The following GALNT13 variants were observed in gnomAD, a reference collection of about 807,000 sequenced individuals.
GALNT13 encodes the protein polypeptide N-acetylgalactosaminyltransferase 13.
GALNT13 carries 28 observed loss-of-function variants against 64.2 expected under a neutral mutation model. The observed-to-expected ratio is 0.44, with a 90% CI of 0.32 to 0.60. The LOEUF (loss-of-function observed/expected upper bound fraction) is 0.60, where lower values mean the gene tolerates loss of function less well. Among genes scored for constraint, GALNT13 ranks in the 20% least tolerant of loss-of-function variants. GALNT13 has a pLI of 0.05. For missense variants in GALNT13, 577 were observed against 669.8 expected, an observed-to-expected ratio of 0.86 and a Z score of 1.53; for synonymous variants, 214 against 224.6, an observed-to-expected ratio of 0.95 and a Z score of 0.42.
At chr2:154,126,616 CAG>C (rs1486341592) in intron 3 of GALNT13, among the ~76,000 whole-genome samples, 17 of 138,488 alleles carry the variant, frequency 1.2e-4, no homozygotes, top group African/African-American at 4.4e-4. Context: ...GCCCGGACGA[CAG>C]AGCGAGACTC....
chr2:153,800,045 G>GCTCTCTCTCT, the GALNT13 span, among the ~76,000 whole-genome samples: 5,198 of 118,726 alleles, frequency 0.044, 187 homozygotes, highest in Middle Eastern at 0.069. Flanking sequence ...CATTTAGTTT[G>GCTCTCTCTCT]CTCTCTCTCT....
At chr2:154,004,816 A>C (rs1022437572) in intron 3 of GALNT13, among the ~76,000 whole-genome samples, 2 of 152,216 alleles carry the variant, frequency 1.3e-5, no homozygotes, top group Admixed American at 1.3e-4. Context: ...AAAGAGAATG[A>C]ATCTTTACAC....
intron 3 of GALNT13, among the ~76,000 whole-genome samples, chr2:154,052,333 C>G (rs1457286395): frequency 6.6e-6 from 1 of 152,172 alleles, no homozygotes; most frequent in Non-Finnish European, 1.5e-5. Context: ...TCCATACATT[C>G]TATGTTTTAA....
intron 9 of GALNT13, among the ~76,000 whole-genome samples, chr2:154,360,407 A>G (rs539273412): frequency 2.0e-5 from 3 of 152,294 alleles, no homozygotes; most frequent in Non-Finnish European, 4.4e-5. Context: ...GGAATAGGCC[A>G]TTCTTTGTCC....
rs1685978903 is a variant in GALNT13, at chr2:153,872,015, C to T, written c.-465C>T. 1 of 152,246 alleles carries T rather than the reference C, an allele frequency of 6.6e-6. No individual in the cohort carries two copies. 9.4% of individuals were successfully genotyped at this position (152,246 alleles called of 1,614,324 possible). A position where few individuals can be genotyped will look rare whatever the true frequency, so the allele number is the denominator to read the frequency against. ...TCGGCCTCAGCGTCCGCTCTGGCCG[C>T]GCTCGAGGAGCCCTTCAGCCCGCCG... On this transcript the variant is annotated 5_prime_UTR_variant, in exon 1 of 13. Transcript: ENST00000392825.
At chr2:153,672,394 A>T in the GALNT13 span, among the ~76,000 whole-genome samples, 1 of 152,232 alleles carries the variant, frequency 6.6e-6, no homozygotes, top group Non-Finnish European at 1.5e-5. Flanking sequence ...CAGCATTAAG[A>T]AACTCACTCA....
intron 3 of GALNT13, among the ~76,000 whole-genome samples, chr2:153,976,033 C>T (rs1558884594): frequency 1.3e-5 from 2 of 152,068 alleles, no homozygotes; most frequent in Admixed American, 1.3e-4. Context: ...CTCACCTGAC[C>T]ATTCCAGCTG....
At chr2:153,630,807 A>ATATTT in the GALNT13 span, among the ~76,000 whole-genome samples, 3 of 21,990 alleles carry the variant, frequency 1.4e-4, no homozygotes, top group African/African-American at 1.9e-4. Context: ...ATATATATAT[A>ATATTT]TTTTTTTTTT....
the GALNT13 span, among the ~76,000 whole-genome samples, chr2:153,326,900 A>G: frequency 6.6e-6 from 1 of 152,094 alleles, no homozygotes; most frequent in Non-Finnish European, 1.5e-5. Flanking sequence ...CCTGACAAAC[A>G]TGGTGAAACC....
At chr2:153,352,867 G>A in the GALNT13 span, among the ~76,000 whole-genome samples, 14 of 152,094 alleles carry the variant, frequency 9.2e-5, no homozygotes, top group Non-Finnish European at 7.4e-5. Context: ...TTTGTAGTAC[G>A]TCTTGAAGTT....
At chr2:153,923,056 T>C (rs984804008) in intron 2 of GALNT13, among the ~76,000 whole-genome samples, 1 of 151,918 alleles carries the variant, frequency 6.6e-6, no homozygotes, top group Non-Finnish European at 1.5e-5. Flanking sequence ...CCTGCCACAG[T>C]GCTTGGCTAA....
chr2:153,906,265 T>C (rs1159135991), intron 2 of GALNT13, among the ~76,000 whole-genome samples: 6 of 151,764 alleles, frequency 4.0e-5, no homozygotes, highest in African/African-American at 1.5e-4. Context: ...ATTATTATAC[T>C]TTAAGTTTTA....
the GALNT13 span, among the ~76,000 whole-genome samples, chr2:153,572,408 G>T: frequency 1.2e-3 from 180 of 148,366 alleles, no homozygotes; most frequent in African/African-American, 4.3e-3. Flanking sequence ...ACAAAATTTT[G>T]TTTTATCGAT....
chr2:153,192,935 A>C, the GALNT13 span, among the ~76,000 whole-genome samples: 61 of 152,168 alleles, frequency 4.0e-4, 1 homozygote, highest in Admixed American at 1.4e-3. Flanking sequence ...TCATGTTGTC[A>C]TCCATTCTAG....
the GALNT13 span, among the ~76,000 whole-genome samples, chr2:153,574,129 G>GTTTT: frequency 7.1e-6 from 1 of 140,462 alleles, no homozygotes. Flanking sequence ...GTAAGGTAAA[G>GTTTT]TTTTTTTTTT....
At chr2:154,422,731 A>G (rs1342872653) in intron 11 of GALNT13, among the ~76,000 whole-genome samples, 2 of 152,168 alleles carry the variant, frequency 1.3e-5, no homozygotes, top group African/African-American at 2.4e-5. Context: ...ACACCAAGGA[A>G]TGATCAAAGT....
intron 3 of GALNT13, among the ~76,000 whole-genome samples, chr2:154,014,336 C>A (rs1252178043): frequency 2.0e-5 from 3 of 152,170 alleles, no homozygotes; most frequent in African/African-American, 7.2e-5. Flanking sequence ...GGGTCTGTGG[C>A]AAGGGTGGGC....
chr2:154,279,529 C>T (rs1691843993), intron 8 of GALNT13, among the ~76,000 whole-genome samples: 1 of 152,132 alleles, frequency 6.6e-6, no homozygotes, highest in Non-Finnish European at 1.5e-5. Context: ...ATCACAGCTT[C>T]TTCAACAAGC....
intron 8 of GALNT13, among the ~76,000 whole-genome samples, chr2:154,268,091 A>C (rs1381910571): frequency 6.6e-6 from 1 of 152,216 alleles, no homozygotes; most frequent in Admixed American, 6.5e-5. Context: ...TTGAGTATTT[A>C]CTCAGTGGAA....
Sources: gnomAD v4.1 joint callset for allele counts (sites outside exome capture counted in the v4.1 genomes callset) on GRCh38, gnomAD v4.1.1 for gene constraint, MANE v1.5 for transcripts, NCBI Gene and HGNC (gene_info 2026-07-23, HGNC 2026-07-21) for gene names.